TBC1D4: variants seen among roughly 807,000 people sequenced by gnomAD.
The protein encoded by TBC1D4 is TBC1 domain family member 4.
Under a neutral mutation model 142.5 loss-of-function variants are expected in TBC1D4, and 121 were observed. That is an observed-to-expected ratio of 0.85 (90% CI 0.73 to 0.99). The LOEUF is 0.99. TBC1D4 is among the 50% of genes least tolerant of loss of function. TBC1D4 has a pLI of 0.00. For synonymous variants in TBC1D4, 630 were observed against 628.2 expected (o/e 1.00, Z -0.04); for missense variants, 1,475 against 1,606.6 (o/e 0.92, Z 1.40).
At chr13:75,481,215 C>CCCCCCA in intron 1 of TBC1D4, 55 bp downstream of exon 1, 1 of 1,244,440 alleles carries the variant, frequency 8.0e-7, no homozygotes, top group Non-Finnish European at 1.1e-6. Context: ...TCCCGCCCTG[C>CCCCCCA]TCCCCGATCC....
At chr13:75,319,357 T>A (rs181888852) in intron 12 of TBC1D4, among the ~76,000 whole-genome samples, 1 of 152,294 alleles carries the variant, frequency 6.6e-6, no homozygotes, top group African/African-American at 2.4e-5. Context: ...GAAACTGGAA[T>A]AAAGCAGAGG....
At chr13:75,475,986 T>C (rs983086517) in intron 1 of TBC1D4, among the ~76,000 whole-genome samples, 4 of 152,188 alleles carry the variant, frequency 2.6e-5, no homozygotes, top group African/African-American at 9.7e-5. Flanking sequence ...CTCATACCTG[T>C]AATCCCAGCA....
At chr13:75,393,305 G>T (rs1220970644) in intron 1 of TBC1D4, among the ~76,000 whole-genome samples, 1 of 151,824 alleles carries the variant, frequency 6.6e-6, no homozygotes, top group Non-Finnish European at 1.5e-5. Flanking sequence ...CTCCCAGGCT[G>T]GTCTCTGGAA....
chr13:75,380,145 C>A (rs1468747646), intron 1 of TBC1D4, among the ~76,000 whole-genome samples: 1 of 151,242 alleles, frequency 6.6e-6, no homozygotes, highest in South Asian at 2.1e-4. Context: ...TCCCAAAGTG[C>A]TGGGATTACA....
chr13:75,410,802 A>T (rs371597504), intron 1 of TBC1D4, among the ~76,000 whole-genome samples: 1 of 150,590 alleles, frequency 6.6e-6, no homozygotes, highest in Non-Finnish European at 1.5e-5. Context: ...CGGGCGTGGT[A>T]GCGGGCACCT....
At chr13:75,404,284 G>T (rs555904197) in intron 1 of TBC1D4, among the ~76,000 whole-genome samples, 4 of 152,294 alleles carry the variant, frequency 2.6e-5, no homozygotes, top group Non-Finnish European at 1.5e-5. Context: ...TTACAGAAAA[G>T]GTGAAGATAG....
In TBC1D4 at chr13:75,362,248, C is replaced by A; in HGVS notation, c.858G>T (p.Gln286His). The A allele has an allele frequency of 1.2e-6, 2 of 1,613,882 alleles. No individual in the cohort carries two copies. The highest frequency in any genetic ancestry group is 1.7e-6 in the Non-Finnish European group (2 of 1,179,984). The part of the protein sequence containing the change: ...THLGLPAGAS[Q>H]PALTSSRVCF... ...AGACCCGAGAGCTGGTCAGGGCAGGCTGGCTGGCCCCGGCAGGTAAGCCAA... is the reference window on the plus strand; with the variant it reads ...AGACCCGAGAGCTGGTCAGGGCAGGATGGCTGGCCCCGGCAGGTAAGCCAA... Residue 286 changes from glutamine to histidine, a missense_variant, in exon 2 of 21, where the codon CAG (glutamine) becomes CAT (histidine). By Grantham distance (24) the Gln-to-His change is conservative. Coordinates refer to ENST00000377636, the MANE Select transcript of TBC1D4 (RefSeq NM_014832.5). The surrounding 1 kb of genome is among the most constrained non-coding windows in gnomAD (Gnocchi z 4.2).
intron 1 of TBC1D4, among the ~76,000 whole-genome samples, chr13:75,410,378 T>G (rs1010098589): frequency 6.6e-6 from 1 of 152,078 alleles, no homozygotes; most frequent in Admixed American, 6.5e-5. Context: ...TCTTCTTCTA[T>G]CTCCTTCTCC....
intron 15 of TBC1D4, among the ~76,000 whole-genome samples, chr13:75,305,112 G>C (rs771827111): frequency 6.6e-6 from 1 of 152,110 alleles, no homozygotes; most frequent in Non-Finnish European, 1.5e-5. Flanking sequence ...AAATCTGATG[G>C]CTTGTTAAGG....
intron 1 of TBC1D4, among the ~76,000 whole-genome samples, chr13:75,410,957 A>AAAAAAC (rs1885628814): frequency 6.6e-6 from 1 of 150,954 alleles, no homozygotes; most frequent in African/African-American, 2.4e-5. Flanking sequence ...AAAAAAAAAA[A>AAAAAAC]AAAAAAAAAT....
intron 20 of TBC1D4, 43 bp from the exon 21 acceptor site, chr13:75,287,068 A>C (rs767114097): frequency 6.6e-7 from 1 of 1,521,094 alleles, no homozygotes; most frequent in Non-Finnish European, 9.1e-7. Context: ...ATGATTCATT[A>C]TAGTAGGAGA....
chr13:75,442,791 AAG>A (rs1887102032), intron 1 of TBC1D4, among the ~76,000 whole-genome samples: 1 of 151,922 alleles, frequency 6.6e-6, no homozygotes, highest in Non-Finnish European at 1.5e-5. Context: ...AAAAAAAAAA[AAG>A]AAAGAAAGAA....
chr13:75,466,639 G>A (rs757101313), intron 1 of TBC1D4, among the ~76,000 whole-genome samples: 10 of 152,018 alleles, frequency 6.6e-5, no homozygotes, highest in East Asian at 1.9e-4. Flanking sequence ...TTGGGAGGCC[G>A]AGACGGGCAG....
At position 75,356,200 on chromosome 13, in the gene TBC1D4, G is replaced by C. The variant is rs1180810545; in HGVS notation, c.1222C>G (p.Pro408Ala). The part of the protein sequence containing the change: ...FGFICRESPE[P>A]GLSQYICYVF... ...TAACAAATATACTGGCTAAGTCCAGGCTCTGGAGACTCCCGGCAGATAAAG... is the reference window on the plus strand; with the variant it reads ...TAACAAATATACTGGCTAAGTCCAGCCTCTGGAGACTCCCGGCAGATAAAG... The change falls in exon 4 of 21, where the codon CCT becomes GCT. Residue 408 changes from proline to alanine, a missense_variant. Physicochemically the swap from Pro to Ala is conservative, Grantham distance 27. Transcript: ENST00000377636. 1.2e-6 allele frequency: 2 copies of C among 1,613,632 alleles called. No homozygotes were observed. Among genetic ancestry groups the C allele is most frequent in the East Asian group, 2.2e-5 (1 of 44,892 alleles).
intron 4 of TBC1D4, among the ~76,000 whole-genome samples, chr13:75,349,672 T>C (rs1414327467): frequency 6.6e-6 from 1 of 152,226 alleles, no homozygotes; most frequent in Non-Finnish European, 1.5e-5. Flanking sequence ...CTGCCACTTA[T>C]ATGAAACAAC....
chr13:75,334,471 A>G (rs957557799), intron 8 of TBC1D4, among the ~76,000 whole-genome samples: 1 of 66,866 alleles, frequency 1.5e-5, no homozygotes, highest in South Asian at 3.6e-4. Flanking sequence ...TGTATATATA[A>G]TATGTCTATA....
At chr13:75,290,231 T>C (rs1188900027) in intron 19 of TBC1D4, among the ~76,000 whole-genome samples, 2 of 152,152 alleles carry the variant, frequency 1.3e-5, no homozygotes, top group Admixed American at 6.6e-5. Context: ...TTTCAAAGAT[T>C]ATCTCTAGAT....
intron 1 of TBC1D4, among the ~76,000 whole-genome samples, chr13:75,457,837 A>C (rs1295117852): frequency 1.3e-5 from 2 of 152,102 alleles, no homozygotes; most frequent in South Asian, 4.2e-4. Flanking sequence ...AGCGTTCCCT[A>C]ACCCTCTCAT....
intron 1 of TBC1D4, among the ~76,000 whole-genome samples, chr13:75,436,482 C>T (rs986268767): frequency 3.3e-5 from 5 of 151,802 alleles, no homozygotes; most frequent in Non-Finnish European, 7.4e-5. Flanking sequence ...ATGGTGAAAC[C>T]CCATCTCTAC....
Sources: gnomAD v4.1 joint callset for allele counts (sites outside exome capture counted in the v4.1 genomes callset) on GRCh38, gnomAD v4.1.1 for gene constraint, Gnocchi (gnomAD v3.1) non-coding constraint, MANE v1.5 for transcripts, NCBI Gene and HGNC (gene_info 2026-07-23, HGNC 2026-07-21) for gene names.